The following RBFOX1 variants were observed in gnomAD, a reference collection of about 807,000 sequenced individuals.
RBFOX1 encodes the protein RNA binding fox-1 homolog 1.
In RBFOX1, 8 loss-of-function variants were observed where a neutral mutation model predicts 57.7. That is an observed-to-expected ratio of 0.14 (90% CI 0.08 to 0.25). The LOEUF is 0.25. Among genes scored for constraint, RBFOX1 ranks in the 10% least tolerant of loss-of-function variants. The pLI, the probability that RBFOX1 is intolerant of heterozygous loss-of-function variation, is 1.00. For synonymous variants in RBFOX1, 326 were observed against 222.4 expected (o/e 1.47, Z -4.15); for missense variants, 611 against 548.5 (o/e 1.11, Z -1.14).
rs998369593 is a variant in RBFOX1 at position 6,951,602 on chromosome 16, A to G, written c.-15-100455A>G. On this transcript the variant is annotated intron_variant, in intron 3 of 15. Coordinates refer to ENST00000550418, the MANE Select transcript of RBFOX1 (RefSeq NM_018723.4). ...CCTTGTACCTTGTTCTCATCTCTCCATGTGGTTTTTTCTCATGGTGATTTC... is the reference window on the plus strand; with the variant it reads ...CCTTGTACCTTGTTCTCATCTCTCCGTGTGGTTTTTTCTCATGGTGATTTC... Among the ~76,000 whole-genome samples, 23 of 152,092 alleles carry G rather than the reference A, an allele frequency of 1.5e-4. No homozygotes were observed. The South Asian group carries it at 3.5e-3, about 23-fold the overall frequency.
chr16:7,698,155 C>G (rs997844612), intron 14 of RBFOX1, among the ~76,000 whole-genome samples: 4 of 150,340 alleles, frequency 2.7e-5, no homozygotes, highest in Non-Finnish European at 5.9e-5. Context: ...CAGGTTGAAA[C>G]AGTTGTTTTA....
At chr16:6,864,150 TTTCAGGGAAA>T (rs1360797027) in intron 3 of RBFOX1, among the ~76,000 whole-genome samples, 1 of 152,116 alleles carries the variant, frequency 6.6e-6, no homozygotes, top group Admixed American at 6.5e-5. Flanking sequence ...GGAGGGGTCA[TTTCAGGGAAA>T]TTATTTTAAT....
rs564911693 is a variant in RBFOX1, at chr16:6,322,108, T to C, written c.-64+5051T>C. Among the ~76,000 whole-genome samples, 5 of 152,336 alleles carry C rather than the reference T, an allele frequency of 3.3e-5. No individual in the cohort carries two copies. In the South Asian group the frequency reaches 1.0e-3, roughly 32 times the overall value. On this transcript the variant is annotated intron_variant, in intron 2 of 15. Transcript: ENST00000550418. ...GCCACCAAATGATAAGTGAGTGTTTTATCTGTATCTTCTAAGAGACTTCTT... is the reference window on the plus strand; with the variant it reads ...GCCACCAAATGATAAGTGAGTGTTTCATCTGTATCTTCTAAGAGACTTCTT...
At chr16:6,403,690 A>G (rs578177633) in intron 2 of RBFOX1, among the ~76,000 whole-genome samples, 2 of 152,160 alleles carry the variant, frequency 1.3e-5, no homozygotes, top group South Asian at 4.2e-4. Flanking sequence ...TATATTTCTA[A>G]TTATTGGACC....
chr16:6,417,322 T>A (rs2093650765), intron 2 of RBFOX1, among the ~76,000 whole-genome samples: 1 of 151,540 alleles, frequency 6.6e-6, no homozygotes, highest in African/African-American at 2.4e-5. Flanking sequence ...ATTTTCACCT[T>A]TCTTTCCCTT....
intron 2 of RBFOX1, among the ~76,000 whole-genome samples, chr16:6,593,644 T>C (rs2097746172): frequency 6.6e-6 from 1 of 152,202 alleles, no homozygotes; most frequent in African/African-American, 2.4e-5. Flanking sequence ...CCCTGTTCAT[T>C]TGTTTTTCAG....
chr16:6,960,991 AAAAT>A (rs1185207583), intron 3 of RBFOX1, among the ~76,000 whole-genome samples: 2,895 of 134,412 alleles, frequency 0.022, 104 homozygotes, highest in African/African-American at 0.07. Context: ...AAAAAAAAAA[AAAAT>A]TAGCTGGGCA....
chr16:6,840,897 A>AAAAAAAAAAAAG (rs751671784), intron 3 of RBFOX1, among the ~76,000 whole-genome samples: 6 of 137,500 alleles, frequency 4.4e-5, no homozygotes, highest in Admixed American at 7.7e-5. Flanking sequence ...CAAAAAAAAA[A>AAAAAAAAAAAAG]AAAAAAACGA....
At chr16:7,140,210 C>T (rs1355480729) in intron 4 of RBFOX1, among the ~76,000 whole-genome samples, 1 of 141,434 alleles carries the variant, frequency 7.1e-6, no homozygotes, top group Non-Finnish European at 1.5e-5. Flanking sequence ...TTCTCCCTCC[C>T]AATTTGTCCA....
chr16:7,259,368 G>A lies in RBFOX1; in HGVS notation c.27+207270G>A, dbSNP rs899730508. 6.6e-5 allele frequency among the ~76,000 whole-genome samples: 10 copies of A among 151,964 alleles called. No homozygotes were observed. The East Asian group carries it at 9.7e-4, about 15-fold the overall frequency. ...AACCAAAAGCGAATGGGTTCCAGTC[G>A]TTCAGCACACATCACATATAAGATA... On this transcript the variant is annotated intron_variant, in intron 4 of 15. Coordinates refer to ENST00000550418, the MANE Select transcript of RBFOX1 (RefSeq NM_018723.4).
intron 4 of RBFOX1, among the ~76,000 whole-genome samples, chr16:7,355,464 C>T (rs942671298): frequency 2.0e-5 from 3 of 152,078 alleles, no homozygotes; most frequent in Admixed American, 1.3e-4. Flanking sequence ...AGTGTGAGTC[C>T]GAAACCCTCC....
chr16:6,787,986 T>G (rs35573844), intron 3 of RBFOX1, among the ~76,000 whole-genome samples: 77,457 of 151,768 alleles, frequency 0.51, 19,948 homozygotes, highest in East Asian at 0.55. Context: ...ACTTTGGGAG[T>G]CCGAGGTGGG....
intron 3 of RBFOX1, among the ~76,000 whole-genome samples, chr16:5,642,749 C>T (rs1349754323): frequency 6.6e-6 from 1 of 152,098 alleles, no homozygotes; most frequent in African/African-American, 2.4e-5. Context: ...GCCTCTCTTC[C>T]TTGCCACAAA....
intron 1 of RBFOX1, among the ~76,000 whole-genome samples, chr16:5,465,283 C>G (rs2068918447): frequency 6.6e-6 from 1 of 152,174 alleles, no homozygotes; most frequent in South Asian, 2.1e-4. Flanking sequence ...GCATCCCTGA[C>G]ACCTCTTTGT....
chr16:7,379,333 C>A (rs1481022223), intron 4 of RBFOX1, among the ~76,000 whole-genome samples: 1 of 152,108 alleles, frequency 6.6e-6, no homozygotes, highest in Non-Finnish European at 1.5e-5. Context: ...AAAATAATAA[C>A]AGTATTATCT....
At chr16:6,734,556 C>G (rs1341600173) in intron 3 of RBFOX1, among the ~76,000 whole-genome samples, 2 of 141,608 alleles carry the variant, frequency 1.4e-5, no homozygotes, top group Admixed American at 7.6e-5. Context: ...ACTAGGAGTT[C>G]AGTCCATGTA....
intron 2 of RBFOX1, among the ~76,000 whole-genome samples, chr16:5,551,465 G>C (rs2151083786): frequency 6.6e-6 from 1 of 152,288 alleles, no homozygotes; most frequent in African/African-American, 2.4e-5. Flanking sequence ...GCTGCCTGCT[G>C]CAGCCAGGGA....
At chr16:7,081,805 A>G (rs1265497900) in intron 4 of RBFOX1, among the ~76,000 whole-genome samples, 1 of 152,198 alleles carries the variant, frequency 6.6e-6, no homozygotes, top group Admixed American at 6.5e-5. Context: ...GAATCCAATA[A>G]TAGGATTGCT....
intron 3 of RBFOX1, among the ~76,000 whole-genome samples, chr16:7,021,684 G>C (rs976856609): frequency 7.4e-5 from 11 of 148,926 alleles, no homozygotes; most frequent in African/African-American, 2.7e-4. Context: ...GCACAGACTG[G>C]ATTAAGTGTC....
Sources: gnomAD v4.1 joint callset for allele counts (sites outside exome capture counted in the v4.1 genomes callset) on GRCh38, gnomAD v4.1.1 for gene constraint, MANE v1.5 for transcripts, NCBI Gene and HGNC (gene_info 2026-07-23, HGNC 2026-07-21) for gene names.